Variants in HNF4A observed in about 807,000 individuals in gnomAD.
HNF4A encodes the protein hepatocyte nuclear factor 4 alpha.
A neutral mutation model predicts 52.4 loss-of-function variants in HNF4A; 15 were observed. The ratio of observed to expected loss-of-function variants is 0.29; its 90% CI spans 0.19 to 0.44. The LOEUF (loss-of-function observed/expected upper bound fraction) is 0.44, where lower values mean the gene tolerates loss of function less well. Ranked by LOEUF, HNF4A falls within the 20% of genes least tolerant of loss-of-function variation. HNF4A has a pLI of 1.00. For missense variants in HNF4A, 479 were observed against 647.2 expected (o/e 0.74, Z 2.82); for synonymous variants, 280 against 264.4 (o/e 1.06, Z -0.57).
At chr20:44,418,636 G>A in intron 6 of HNF4A, 124 bp downstream of exon 6, 1 of 737,758 alleles carries the variant, frequency 1.4e-6, no homozygotes, top group Admixed American at 2.1e-5. Context: ...GAGTGGCCCT[G>A]TCCTCAGGCT....
chr20:44,423,922 T>C, intron 7 of HNF4A, 96 bp from the exon 8 acceptor site: 1 of 1,163,268 alleles, frequency 8.6e-7, no homozygotes, highest in Admixed American at 1.9e-5. Flanking sequence ...TGAAGACTCC[T>C]TGTGTGATAC....
chr20:44,355,801 G>C (rs375625743), exon 1 of HNF4A: 1 of 1,613,640 alleles, frequency 6.2e-7, no homozygotes, highest in Non-Finnish European at 8.5e-7. Context: ...GGGTGGGCTT[G>C]GCCATGGTCA....
chr20:44,382,220 C>T (rs1256849960), intron 1 of HNF4A, among the ~76,000 whole-genome samples: 1 of 151,040 alleles, frequency 6.6e-6, no homozygotes, highest in Non-Finnish European at 1.5e-5. Context: ...CTTCAAGGGG[C>T]ATAGCTTTCT....
chr20:44,390,322 C>T (rs919856812), intron 1 of HNF4A: 4 of 363,030 alleles, frequency 1.1e-5, no homozygotes, highest in East Asian at 4.6e-5. Flanking sequence ...TTTCCAAGCC[C>T]TCCAGAGAGA....
At position 44,429,935 on chromosome 20, in the gene HNF4A, A is replaced by G; in HGVS notation, c.*270A>G. ...TGTTGAAGCCACTGCCTTCACCTTC[A>G]CCTTCATCCATGTCCAACCCCCGAC... On this transcript the variant is annotated 3_prime_UTR_variant, in exon 10 of 10. Coordinates refer to ENST00000316099, the MANE Select transcript of HNF4A (RefSeq NM_000457.6). 4.0e-6 allele frequency: 2 copies of G among 494,396 alleles called. No individual in the cohort carries two copies. Among genetic ancestry groups the G allele is most frequent in the South Asian group, 5.3e-5 (2 of 37,866 alleles). The allele number at this position is 494,396 out of a possible 1,614,324, so 30.6% of individuals were successfully genotyped here. A position where few individuals can be genotyped will look rare whatever the true frequency, so the allele number is the denominator to read the frequency against.
In HNF4A at chr20:44,429,755, T is replaced by A. The variant is rs2063856375; in HGVS notation, c.*90T>A. 2 of 1,346,746 alleles carry A rather than the reference T, an allele frequency of 1.5e-6. No homozygotes were observed. The highest frequency in any genetic ancestry group is 3.5e-5 in the Admixed American group (2 of 57,496). The allele number at this position is 1,346,746 out of a possible 1,614,324, so 83.4% of individuals were successfully genotyped here. A position where few individuals can be genotyped will look rare whatever the true frequency, so the allele number is the denominator to read the frequency against. The stretch of plus-strand genomic sequence containing the variant: ...CACGTGGTCACGGCAAAGGAAGACG[T>A]GATGCCAGGACCAGTCCCAGAGCAG... On this transcript the variant is annotated 3_prime_UTR_variant, in exon 10 of 10. Coordinates refer to ENST00000316099, the MANE Select transcript of HNF4A (RefSeq NM_000457.6).
Position 44,431,236 on chromosome 20 carries a change from T to C in HNF4A, c.*1571T>C, listed in dbSNP as rs1397687910. On this transcript the variant is annotated 3_prime_UTR_variant, in exon 10 of 10. Transcript: ENST00000316099. The stretch of plus-strand genomic sequence containing the variant: ...TCCCTGTGTTCTCACCGTGATCAAG[T>C]TGAGGGGCTTCCGGCTCCCTTCTAC... The C allele has an allele frequency of 6.6e-6, 1 of 152,150 alleles. No individual in the cohort carries two copies. Among genetic ancestry groups the C allele is most frequent in the Non-Finnish European group, 1.5e-5 (1 of 68,006 alleles). 9.4% of individuals were successfully genotyped at this position (152,150 alleles called of 1,614,324 possible). A position where few individuals can be genotyped will look rare whatever the true frequency, so the allele number is the denominator to read the frequency against.
intron 1 of HNF4A, among the ~76,000 whole-genome samples, chr20:44,371,267 A>ATT (rs147726730): frequency 1.3e-5 from 2 of 151,918 alleles, no homozygotes; most frequent in African/African-American, 2.4e-5. Flanking sequence ...CTTTCAAACA[A>ATT]TTTTTTTTGT....
chr20:44,378,516 C>A (rs1335573768), intron 1 of HNF4A, among the ~76,000 whole-genome samples: 1 of 152,100 alleles, frequency 6.6e-6, no homozygotes, highest in African/African-American at 2.4e-5. Context: ...GATCCATCCA[C>A]CTCAGCCTCC....
chr20:44,409,839 C>CT (rs11468260), intron 3 of HNF4A, among the ~76,000 whole-genome samples: 16 of 144,106 alleles, frequency 1.1e-4, no homozygotes, highest in Non-Finnish European at 2.1e-4. Flanking sequence ...CTGGTCCCTT[C>CT]TTTTTTTTTT....
intron 1 of HNF4A, among the ~76,000 whole-genome samples, chr20:44,359,113 T>A (rs6130595): frequency 0.16 from 24,603 of 152,176 alleles, 2,395 homozygotes; most frequent in Middle Eastern, 0.26. Flanking sequence ...TTTGTCTCAC[T>A]ATGTCTCACA....
exon 1 of HNF4A, chr20:44,355,825 C>T (rs1186838248): frequency 2.5e-6 from 4 of 1,613,712 alleles, no homozygotes; most frequent in Non-Finnish European, 3.4e-6. Context: ...TGAACGCGCC[C>T]CTCGGGGCTC....
rs1216334774 is a variant in HNF4A at position 44,401,496 on chromosome 20, G to A, written c.115+9G>A. 1.2e-6 allele frequency: 2 copies of A among 1,614,084 alleles called. No homozygotes were observed. The highest frequency in any genetic ancestry group is 1.7e-5 in the Admixed American group (1 of 60,018). On this transcript the variant is annotated intron_variant, in intron 1 of 9. Coordinates refer to ENST00000316099, the MANE Select transcript of HNF4A (RefSeq NM_000457.6). Reference sequence around the variant, plus strand: ...GTTGACGATGGGCAATGGTAGGTGGGGGCAGATGTGCCCAGGTGTGCCAGT... The same window carrying A: ...GTTGACGATGGGCAATGGTAGGTGGAGGCAGATGTGCCCAGGTGTGCCAGT...
At chr20:44,429,066 G>A (rs184460936) in intron 9 of HNF4A, among the ~76,000 whole-genome samples, 1 of 152,334 alleles carries the variant, frequency 6.6e-6, no homozygotes, top group Non-Finnish European at 1.5e-5. Context: ...AACCTGCCAT[G>A]AGAGTGAGGC....
chr20:44,366,607 C>T (rs993094228), intron 1 of HNF4A, among the ~76,000 whole-genome samples: 5 of 151,914 alleles, frequency 3.3e-5, no homozygotes, highest in African/African-American at 4.8e-5. Flanking sequence ...GGCAACAGAG[C>T]GAGATCCTGT....
intron 3 of HNF4A, among the ~76,000 whole-genome samples, chr20:44,412,346 A>G (rs1349779624): frequency 1.3e-5 from 2 of 152,116 alleles, no homozygotes; most frequent in African/African-American, 2.4e-5. Flanking sequence ...GGGTGGCTGG[A>G]GAGGGTGTCT....
At chr20:44,410,279 G>A (rs1338883896) in intron 3 of HNF4A, among the ~76,000 whole-genome samples, 3 of 152,212 alleles carry the variant, frequency 2.0e-5, no homozygotes, top group Non-Finnish European at 2.9e-5. Flanking sequence ...CATGCTGCCC[G>A]GAGGATAGGA....
chr20:44,378,667 A>G (rs1442365369), intron 1 of HNF4A, among the ~76,000 whole-genome samples: 1 of 152,004 alleles, frequency 6.6e-6, no homozygotes, highest in Non-Finnish European at 1.5e-5. Context: ...ATCTTCCCAC[A>G]CTGAAACTGT....
intron 1 of HNF4A, among the ~76,000 whole-genome samples, chr20:44,365,827 CA>C (rs1371530149): frequency 6.6e-6 from 1 of 151,844 alleles, no homozygotes; most frequent in East Asian, 1.9e-4. Context: ...GGCAATATGG[CA>C]AAAACCCACC....
Sources: allele counts gnomAD v4.1 joint callset (sites outside exome capture counted in the v4.1 genomes callset), GRCh38; gene constraint gnomAD v4.1.1; transcripts MANE v1.5; gene names NCBI Gene and HGNC (gene_info 2026-07-23, HGNC 2026-07-21).